NHSL1: variants seen among roughly 807,000 people sequenced by gnomAD.
The protein encoded by NHSL1 is NHS like 1.
Under a neutral mutation model 95.0 loss-of-function variants are expected in NHSL1, and 48 were observed. The ratio of observed to expected loss-of-function variants is 0.51; its 90% CI spans 0.40 to 0.64. The LOEUF is 0.64. NHSL1 is among the 30% of genes least tolerant of loss of function. The pLI, the probability that NHSL1 is intolerant of heterozygous loss-of-function variation, is 0.00. For missense variants in NHSL1, 1,971 were observed against 2,077.7 expected (o/e 0.95, Z 1.00); for synonymous variants, 783 against 833.9 (o/e 0.94, Z 1.05).
chr6:138,430,571 A>C lies in NHSL1; in HGVS notation c.3774T>G (p.Pro1258=). ...AAQAGSHATH[P]GTSVLEGGAA... ...CTCCTCCCTCAAGAACCGAGGTGCC[A>C]GGGTGCGTGGCATGAGAGCCAGCTT... The change falls in exon 6 of 8, where the codon CCT becomes CCG. Residue 1258 remains proline, a synonymous_variant. Transcript: ENST00000343505. This position sits in a 1 kb window ranked among gnomAD's most constrained non-coding sequence, Gnocchi z 4.7. 6.4e-7 allele frequency: 1 copy of C among 1,550,734 alleles called. No individual in the cohort carries two copies. The highest frequency in any genetic ancestry group is 8.7e-7 in the Non-Finnish European group (1 of 1,146,294).
chr6:138,550,248 A>T (rs1782951899), upstream of NHSL1, among the ~76,000 whole-genome samples: 1 of 152,174 alleles, frequency 6.6e-6, no homozygotes, highest in Admixed American at 6.5e-5. Context: ...CCAAAAAAAA[A>T]ATAATAAAAT....
chr6:138,545,965 T>C (rs1202602535), upstream of NHSL1: 1 of 283,174 alleles, frequency 3.5e-6, no homozygotes, highest in African/African-American at 2.3e-5. Context: ...TTTGTGCTTC[T>C]CTCTCAGCAT....
At chr6:138,488,213 G>A (rs796983638) in intron 2 of NHSL1, among the ~76,000 whole-genome samples, 25 of 151,592 alleles carry the variant, frequency 1.6e-4, no homozygotes, top group African/African-American at 6.1e-4. Context: ...AGGAGGCGGA[G>A]GTTGCAGTGA....
intron 1 of NHSL1, among the ~76,000 whole-genome samples, chr6:138,606,663 C>G (rs1379021700): frequency 2.0e-5 from 3 of 151,944 alleles, no homozygotes; most frequent in Non-Finnish European, 2.9e-5. Context: ...GTGTCCCTAC[C>G]CCACCTTCAT....
chr6:138,540,747 C>G (rs1376162874), intron 1 of NHSL1, among the ~76,000 whole-genome samples: 1 of 152,192 alleles, frequency 6.6e-6, no homozygotes, highest in Non-Finnish European at 1.5e-5. Flanking sequence ...AACTTAAAGG[C>G]CTTCCTAAAT....
intron 1 of NHSL1, among the ~76,000 whole-genome samples, chr6:138,509,758 T>G (rs28533739): frequency 6.6e-6 from 1 of 152,166 alleles, no homozygotes; most frequent in African/African-American, 2.4e-5. Context: ...CGGACAACAT[T>G]GACATCACAC....
At chr6:138,529,815 A>C (rs1302569507) in intron 1 of NHSL1, among the ~76,000 whole-genome samples, 2 of 152,244 alleles carry the variant, frequency 1.3e-5, no homozygotes, top group Non-Finnish European at 2.9e-5. Context: ...GCCCACTTGG[A>C]TAATCCAGGC....
intron 1 of NHSL1, among the ~76,000 whole-genome samples, chr6:138,582,725 T>C (rs1279147501): frequency 6.6e-6 from 1 of 152,056 alleles, no homozygotes; most frequent in Non-Finnish European, 1.5e-5. Context: ...CTTCAATCTG[T>C]CCTCCCTACC....
chr6:138,558,186 G>A (rs1263922811), intron 1 of NHSL1, among the ~76,000 whole-genome samples: 3 of 147,404 alleles, frequency 2.0e-5, no homozygotes, highest in Admixed American at 6.7e-5. Context: ...GCAGTGGTGC[G>A]GACTCGGCTG....
rs1166784132 is a variant in NHSL1, at chr6:138,634,466, G to A, written c.96+58010C>T. ...ACAAAAACTATAAGAGACAAAGAAG[G>A]TCACCATATAATGATAAAGGTGTCA... On this transcript the variant is annotated intron_variant, in intron 1 of 3. Coordinates refer to the NHSL1 transcript ENST00000491526. Among the ~76,000 whole-genome samples, 5 of 151,636 alleles carry A rather than the reference G, an allele frequency of 3.3e-5. No homozygotes were observed. In the East Asian group the frequency reaches 5.8e-4, roughly 18 times the overall value.
chr6:138,617,915 G>A lies in NHSL1; in HGVS notation c.96+74561C>T, dbSNP rs556789844. Among the ~76,000 whole-genome samples, 48 of 152,308 alleles carry A rather than the reference G, an allele frequency of 3.2e-4. 1 individual carries two copies. Among genetic ancestry groups the A allele is most frequent in the South Asian group, 2.3e-3 (11 of 4,830 alleles). On this transcript the variant is annotated intron_variant, in intron 1 of 3. Coordinates refer to the NHSL1 transcript ENST00000491526. Reference sequence around the variant, plus strand: ...CAGCTTGATTCTCACATCTGCAGCCGTCACTGATGCACAAGGATGGGACCT... The same window carrying A: ...CAGCTTGATTCTCACATCTGCAGCCATCACTGATGCACAAGGATGGGACCT...
chr6:138,424,045 C>G lies in NHSL1; in HGVS notation c.*36G>C. 3.0e-6 allele frequency: 4 copies of G among 1,354,218 alleles called. No individual in the cohort carries two copies. Among genetic ancestry groups the G allele is most frequent in the Non-Finnish European group, 2.8e-6 (3 of 1,056,094 alleles). The allele number at this position is 1,354,218 out of a possible 1,614,324, so 83.9% of individuals were successfully genotyped here. A position where few individuals can be genotyped will look rare whatever the true frequency, so the allele number is the denominator to read the frequency against. On this transcript the variant is annotated 3_prime_UTR_variant, in exon 8 of 8. Transcript: ENST00000343505. The surrounding 1 kb of genome is among the most constrained non-coding windows in gnomAD (Gnocchi z 5.9). Reference sequence around the variant, plus strand: ...TCCTAGAGTGCTGCATTGCTCGTCTCCCCCCGTGTCACCTGGGAGAGTTAC... The same window carrying G: ...TCCTAGAGTGCTGCATTGCTCGTCTGCCCCCGTGTCACCTGGGAGAGTTAC...
chr6:138,598,677 T>G (rs1313019689), intron 1 of NHSL1, among the ~76,000 whole-genome samples: 1 of 145,050 alleles, frequency 6.9e-6, no homozygotes, highest in Non-Finnish European at 1.5e-5. Flanking sequence ...TAAGAACTAC[T>G]AAAAATATAT....
At chr6:138,659,995 C>T (rs117933399) in intron 1 of NHSL1, among the ~76,000 whole-genome samples, 1 of 152,102 alleles carries the variant, frequency 6.6e-6, no homozygotes, top group Non-Finnish European at 1.5e-5. Flanking sequence ...GGATTACAGG[C>T]GTGAGCCACC....
intron 1 of NHSL1, among the ~76,000 whole-genome samples, chr6:138,625,307 TA>T (rs1199770434): frequency 6.6e-6 from 1 of 152,072 alleles, no homozygotes; most frequent in African/African-American, 2.4e-5. Context: ...CACGCCTGAC[TA>T]ATTTTTGTAT....
At chr6:138,444,226 T>C (rs1776714012) in intron 4 of NHSL1, among the ~76,000 whole-genome samples, 1 of 151,996 alleles carries the variant, frequency 6.6e-6, no homozygotes. Context: ...CTCTGGAGGC[T>C]GCCCAATTCA....
chr6:138,511,474 A>G (rs1562339130), intron 1 of NHSL1, among the ~76,000 whole-genome samples: 1 of 151,722 alleles, frequency 6.6e-6, no homozygotes, highest in Non-Finnish European at 1.5e-5. Flanking sequence ...AAGTAGGTCT[A>G]TGGGGTCTCC....
chr6:138,536,066 T>C (rs542831015), intron 1 of NHSL1, among the ~76,000 whole-genome samples: 2 of 152,266 alleles, frequency 1.3e-5, no homozygotes, highest in Non-Finnish European at 2.9e-5. Flanking sequence ...AAGGGAAAAT[T>C]AGAGTAAAGG....
chr6:138,509,303 T>C (rs1348276432), intron 1 of NHSL1, among the ~76,000 whole-genome samples: 1 of 152,226 alleles, frequency 6.6e-6, no homozygotes, highest in Non-Finnish European at 1.5e-5. Flanking sequence ...AATCTCATTG[T>C]GGAATGAAAA....
Sources: allele counts gnomAD v4.1 joint callset (sites outside exome capture counted in the v4.1 genomes callset), GRCh38; gene constraint gnomAD v4.1.1; non-coding constraint Gnocchi (gnomAD v3.1); transcripts MANE v1.5; gene names NCBI Gene and HGNC (gene_info 2026-07-23, HGNC 2026-07-21).